Variants in OPCML observed in about 807,000 individuals in gnomAD.
The protein encoded by OPCML is opioid binding protein/cell adhesion molecule like.
Under a neutral mutation model 37.8 loss-of-function variants are expected in OPCML, and 13 were observed. The ratio of observed to expected loss-of-function variants is 0.34; its 90% confidence interval spans 0.22 to 0.55. The LOEUF (loss-of-function observed/expected upper bound fraction) is 0.55, where lower values mean the gene tolerates loss of function less well. Ranked by LOEUF, OPCML falls within the 20% of genes least tolerant of loss-of-function variation. The pLI is 0.91. For synonymous variants in OPCML, 176 were observed against 168.8 expected, an observed-to-expected ratio of 1.04 and a Z score of -0.33; for missense variants, 341 against 435.6, an observed-to-expected ratio of 0.78 and a Z score of 1.93.
At chr11:133,374,615 C>T (rs561088820) in intron 1 of OPCML, among the ~76,000 whole-genome samples, 11 of 152,292 alleles carry the variant, frequency 7.2e-5, no homozygotes, top group African/African-American at 2.6e-4. Flanking sequence ...TTAGGTTAGC[C>T]TTCAGATTCC....
intron 1 of OPCML, among the ~76,000 whole-genome samples, chr11:133,199,062 A>G (rs1334804137): frequency 6.6e-6 from 1 of 152,190 alleles, no homozygotes; most frequent in Non-Finnish European, 1.5e-5. Flanking sequence ...AAAATAATGC[A>G]TATAAAAAAA....
intron 1 of OPCML, among the ~76,000 whole-genome samples, chr11:133,488,293 G>A (rs1344304334): frequency 6.6e-6 from 1 of 151,942 alleles, no homozygotes. Context: ...AAAATAAAAG[G>A]CATCCAAATT....
chr11:133,015,470 A>C (rs1193247054), intron 1 of OPCML, among the ~76,000 whole-genome samples: 1 of 150,654 alleles, frequency 6.6e-6, no homozygotes, highest in African/African-American at 2.4e-5. Context: ...GAAGGAAGGA[A>C]GGAAGGAATG....
intron 1 of OPCML, among the ~76,000 whole-genome samples, chr11:133,513,723 G>A (rs757344791): frequency 1.3e-5 from 2 of 152,182 alleles, no homozygotes; most frequent in East Asian, 1.9e-4. Flanking sequence ...TAGAAAGTGA[G>A]TGCATAACTG....
At chr11:132,635,966 T>C (rs190564915) in intron 3 of OPCML, among the ~76,000 whole-genome samples, 1 of 151,848 alleles carries the variant, frequency 6.6e-6, no homozygotes, top group Non-Finnish European at 1.5e-5. Flanking sequence ...TTGAAAATAC[T>C]CCCCCCCGGA....
chr11:133,451,893 G>A (rs900532999), intron 1 of OPCML, among the ~76,000 whole-genome samples: 1 of 151,190 alleles, frequency 6.6e-6, no homozygotes, highest in African/African-American at 2.5e-5. Context: ...TGCCTCCTCT[G>A]CAGGGAAGAC....
intron 3 of OPCML, among the ~76,000 whole-genome samples, chr11:132,616,498 C>A (rs1939030309): frequency 6.6e-6 from 1 of 152,144 alleles, no homozygotes; most frequent in African/African-American, 2.4e-5. Context: ...TATGTATTAA[C>A]CTTCTAGGAT....
chr11:133,287,186 CA>C (rs1397411746), intron 1 of OPCML, among the ~76,000 whole-genome samples: 3 of 148,756 alleles, frequency 2.0e-5, no homozygotes, highest in African/African-American at 4.9e-5. Context: ...TTTTAAAAAG[CA>C]AAAAAGATAA....
At chr11:132,460,031 T>C (rs1417608095) in intron 4 of OPCML, among the ~76,000 whole-genome samples, 1 of 152,182 alleles carries the variant, frequency 6.6e-6, no homozygotes, top group East Asian at 1.9e-4. Flanking sequence ...GGGGGTGGGA[T>C]GGCTACTTGA....
chr11:132,978,355 G>A (rs1344010920), intron 1 of OPCML, among the ~76,000 whole-genome samples: 1 of 152,206 alleles, frequency 6.6e-6, no homozygotes, highest in African/African-American at 2.4e-5. Context: ...TAGTCCCCCT[G>A]ATGTCACAGT....
chr11:132,517,351 G>A (rs952214039), intron 4 of OPCML, among the ~76,000 whole-genome samples: 1 of 152,290 alleles, frequency 6.6e-6, no homozygotes, highest in Admixed American at 6.5e-5. Context: ...GGACCCAGAG[G>A]TCTTTCAAAT....
chr11:132,885,451 T>G (rs1430003411), intron 2 of OPCML, among the ~76,000 whole-genome samples: 2 of 152,188 alleles, frequency 1.3e-5, no homozygotes, highest in African/African-American at 4.8e-5. Context: ...ACACGATTCA[T>G]TCCCCAATAA....
At chr11:132,648,545 A>C (rs1460187175) in intron 3 of OPCML, among the ~76,000 whole-genome samples, 3 of 146,924 alleles carry the variant, frequency 2.0e-5, no homozygotes, top group African/African-American at 7.6e-5. Context: ...TTTCAGACAG[A>C]GTCTTGCTCT....
chr11:133,047,694 C>T (rs1225849155), intron 1 of OPCML, among the ~76,000 whole-genome samples: 1 of 152,200 alleles, frequency 6.6e-6, no homozygotes, highest in Non-Finnish European at 1.5e-5. Flanking sequence ...CCACTTCCAT[C>T]CCCAGCCCAC....
At chr11:133,327,963 C>T (rs1016171612) in intron 1 of OPCML, among the ~76,000 whole-genome samples, 9 of 152,182 alleles carry the variant, frequency 5.9e-5, no homozygotes, top group African/African-American at 2.2e-4. Context: ...GAACACTATA[C>T]GGGTTTGGTG....
At chr11:133,037,487 T>C (rs1021976275) in intron 1 of OPCML, among the ~76,000 whole-genome samples, 1 of 152,186 alleles carries the variant, frequency 6.6e-6, no homozygotes, top group African/African-American at 2.4e-5. Flanking sequence ...TAAGATTGTC[T>C]TCTTGTAACC....
chr11:133,212,841 C>T lies in OPCML; in HGVS notation c.62-269831G>A, dbSNP rs1939422222. On this transcript the variant is annotated intron_variant, in intron 1 of 7. Coordinates refer to ENST00000524381, the MANE Select transcript of OPCML (RefSeq NM_001012393.5). This position sits in a 1 kb window ranked among gnomAD's most constrained non-coding sequence, Gnocchi z 4.9. ...GTAAGAGTGAACTCATGACACTGCA[C>T]CCTTTGTATGGGTTTCCATACTCTA... 6.6e-6 allele frequency among the ~76,000 whole-genome samples: 1 copy of T among 152,168 alleles called. No homozygotes were observed. Among genetic ancestry groups the T allele is most frequent in the Non-Finnish European group, 1.5e-5 (1 of 68,032 alleles).
At chr11:132,623,591 C>G (rs377634894) in intron 3 of OPCML, among the ~76,000 whole-genome samples, 1 of 152,204 alleles carries the variant, frequency 6.6e-6, no homozygotes, top group East Asian at 1.9e-4. Context: ...ATTATATACA[C>G]TGTTTTAACG....
intron 3 of OPCML, among the ~76,000 whole-genome samples, chr11:132,546,310 G>C (rs915126154): frequency 1.3e-4 from 20 of 152,000 alleles, no homozygotes; most frequent in African/African-American, 4.8e-4. Context: ...TAGGTTTTGG[G>C]GGGGAACAGG....
Sources: gnomAD v4.1 joint callset for allele counts (sites outside exome capture counted in the v4.1 genomes callset) on GRCh38, gnomAD v4.1.1 for gene constraint, Gnocchi (gnomAD v3.1) non-coding constraint, MANE v1.5 for transcripts, NCBI Gene and HGNC (gene_info 2026-07-23, HGNC 2026-07-21) for gene names.